The following MYRF variants were observed in gnomAD, a reference collection of about 807,000 sequenced individuals.
MYRF encodes the protein myelin regulatory factor.
MYRF carries 16 observed loss-of-function variants against 126.3 expected under a neutral mutation model. The observed-to-expected ratio is 0.13, with a 90% CI of 0.09 to 0.19. The LOEUF (loss-of-function observed/expected upper bound fraction) is 0.19, where lower values mean the gene tolerates loss of function less well. Ranked by LOEUF, MYRF falls within the 10% of genes least tolerant of loss-of-function variation. MYRF has a pLI of 1.00. For missense variants in MYRF, 1,104 were observed against 1,547.0 expected, an observed-to-expected ratio of 0.71 and a Z score of 4.80; for synonymous variants, 608 against 635.3, an observed-to-expected ratio of 0.96 and a Z score of 0.65.
intron 1 of MYRF, among the ~76,000 whole-genome samples, chr11:61,754,984 C>G (rs1033479342): frequency 6.6e-6 from 1 of 152,144 alleles, no homozygotes; most frequent in African/African-American, 2.4e-5. Flanking sequence ...GGAAGTTGTG[C>G]TTTTGAGCCG....
intron 3 of MYRF, among the ~76,000 whole-genome samples, chr11:61,767,834 A>T (rs1470286686): frequency 3.4e-5 from 5 of 149,086 alleles, no homozygotes; most frequent in Non-Finnish European, 7.4e-5. Flanking sequence ...AAAAAAAAAA[A>T]AGGCCAGGTG....
rs899613840 is a variant in MYRF at position 61,785,786 on chromosome 11, T to C, written c.3301-14T>C. On this transcript the variant is annotated splice_polypyrimidine_tract_variant and intron_variant, in intron 25 of 26. Coordinates refer to ENST00000278836, the MANE Select transcript of MYRF (RefSeq NM_001127392.3). ...GCAGCAGTCTGTCCTGACCCCTCTC[T>C]CCCTTCTCTCCAGGGCACCTCTCAC... The C allele has an allele frequency of 7.4e-6, 12 of 1,612,640 alleles. No individual in the cohort carries two copies. In the Middle Eastern group the frequency reaches 4.9e-4, roughly 67 times the overall value.
intron 1 of MYRF, among the ~76,000 whole-genome samples, chr11:61,754,699 G>C (rs952983242): frequency 6.6e-6 from 1 of 152,166 alleles, no homozygotes; most frequent in Admixed American, 6.5e-5. Flanking sequence ...CTGGCGGGGG[G>C]AGGCTGCGCT....
At chr11:61,758,157 G>C (rs181818502) in intron 1 of MYRF, among the ~76,000 whole-genome samples, 93 of 152,246 alleles carry the variant, frequency 6.1e-4, no homozygotes, top group African/African-American at 1.9e-3. Context: ...TGCCGGCCTA[G>C]AGTATGGAGG....
chr11:61,777,977 C>A lies in MYRF; in HGVS notation c.1903+132C>A. On this transcript the variant is annotated intron_variant, in intron 13 of 26. Coordinates refer to ENST00000278836, the MANE Select transcript of MYRF (RefSeq NM_001127392.3). This position sits in a 1 kb window ranked among gnomAD's most constrained non-coding sequence, Gnocchi z 8.8. ...ACTGCGCCCCTGGGAATCATGCCTT[C>A]TAGAAGTCCCGCCCCTCGGACCTTG... 1 of 723,572 alleles carries A rather than the reference C, an allele frequency of 1.4e-6. No homozygotes were observed. The highest frequency in any genetic ancestry group is 2.3e-6 in the Non-Finnish European group (1 of 428,798). 44.8% of individuals were successfully genotyped at this position (723,572 alleles called of 1,614,324 possible).
In MYRF at chr11:61,770,505, C is replaced by A; in HGVS notation, c.720C>A (p.Leu240=). The change falls in exon 5 of 27, where the codon CTC becomes CTA. Residue 240 remains leucine, a synonymous_variant. Coordinates refer to ENST00000278836, the MANE Select transcript of MYRF (RefSeq NM_001127392.3). The part of the protein sequence containing the change: ...HTQQSQMLHQ[L]LQQHGAELPT... The stretch of plus-strand genomic sequence containing the variant: ...AGCAGTCCCAGATGCTGCACCAGCT[C>A]CTGCAGCAGCACGGAGCTGAGTAAG... 6.4e-7 allele frequency: 1 copy of A among 1,564,340 alleles called. No individual in the cohort carries two copies. Among genetic ancestry groups the A allele is most frequent in the South Asian group, 1.2e-5 (1 of 84,946 alleles).
chr11:61,771,294 G>T (rs759265315), intron 5 of MYRF, among the ~76,000 whole-genome samples: 20 of 152,358 alleles, frequency 1.3e-4, no homozygotes, highest in Middle Eastern at 3.4e-3. Flanking sequence ...TCTGGGGGAA[G>T]CGAAGAGTGA....
At chr11:61,766,301 T>C in intron 3 of MYRF, 80 bp downstream of exon 3, 1 of 1,425,146 alleles carries the variant, frequency 7.0e-7, no homozygotes, top group African/African-American at 1.4e-5. Context: ...ACCTGGGAGG[T>C]GCTAGACACT....
In MYRF at chr11:61,776,058, G is replaced by T; in HGVS notation, c.1314G>T (p.Leu438=). The T allele has an allele frequency of 6.2e-7, 1 of 1,613,948 alleles. No individual in the cohort carries two copies. The change falls in exon 9 of 27, where the codon CTG becomes CTT. Residue 438 remains leucine (L), a splice_region_variant and synonymous_variant. Transcript: ENST00000278836. This position sits in a 1 kb window ranked among gnomAD's most constrained non-coding sequence, Gnocchi z 4.3. ...GCCACTGGCTTCACTCCCCACAGCT[G>T]GAGGCCCTGAACCAGTCCATTAACA... ...CFYLKLHGVK[L]EALNQSINIE...
intron 1 of MYRF, among the ~76,000 whole-genome samples, chr11:61,754,654 T>G (rs1591068047): frequency 6.9e-6 from 1 of 145,690 alleles, no homozygotes; most frequent in African/African-American, 2.5e-5. Flanking sequence ...GGTTGGGGGG[T>G]GGGGGCTGAC....
Position 61,776,016 on chromosome 11 carries a change from T to C in MYRF, c.1312-40T>C. The C allele has an allele frequency of 1.2e-6, 2 of 1,601,246 alleles. No homozygotes were observed. The highest frequency in any genetic ancestry group is 2.2e-5 in the South Asian group (2 of 90,738). On this transcript the variant is annotated intron_variant, in intron 8 of 26. Coordinates refer to ENST00000278836, the MANE Select transcript of MYRF (RefSeq NM_001127392.3). This position sits in a 1 kb window ranked among gnomAD's most constrained non-coding sequence, Gnocchi z 4.3. ...GGGCAGGAGGGCAGGACCAGCCGGG[T>C]AGCCCCATCCTGAGGTGCCACTGGC...
chr11:61,766,518 T>C, intron 3 of MYRF: 1 of 408,134 alleles, frequency 2.5e-6, no homozygotes, highest in Non-Finnish European at 4.4e-6. Context: ...GCGGCGGGAC[T>C]GGAGGCTGTG....
Position 61,778,528 on chromosome 11 carries a change from G to T in MYRF, c.2013+39G>T. The T allele has an allele frequency of 6.9e-7, 1 of 1,448,088 alleles. No homozygotes were observed. The highest frequency in any genetic ancestry group is 9.7e-7 in the Non-Finnish European group (1 of 1,028,918). 89.7% of individuals were successfully genotyped at this position (1,448,088 alleles called of 1,614,324 possible). A position where few individuals can be genotyped will look rare whatever the true frequency, so the allele number is the denominator to read the frequency against. On this transcript the variant is annotated intron_variant, in intron 14 of 26. Transcript: ENST00000278836. This position sits in a 1 kb window ranked among gnomAD's most constrained non-coding sequence, Gnocchi z 4.6. Reference sequence around the variant, plus strand: ...GGAATGGGAGGGAGCCCAGAGGCAAGTGGGGAGCCAGCTGGGGAACACTCA... The same window carrying T: ...GGAATGGGAGGGAGCCCAGAGGCAATTGGGGAGCCAGCTGGGGAACACTCA...
At chr11:61,766,890 C>T (rs1031057820) in intron 3 of MYRF, 1 of 392,852 alleles carries the variant, frequency 2.5e-6, no homozygotes, top group Non-Finnish European at 5.2e-6. Flanking sequence ...TGTAGGGGCC[C>T]CTGTCTCTGG....
At position 61,776,735 on chromosome 11, in the gene MYRF, C is replaced by A; in HGVS notation, c.1500-52C>A. The A allele has an allele frequency of 1.4e-6, 2 of 1,429,588 alleles. No individual in the cohort carries two copies. The highest frequency in any genetic ancestry group is 1.9e-6 in the Non-Finnish European group (2 of 1,046,944). 88.6% of individuals were successfully genotyped at this position (1,429,588 alleles called of 1,614,324 possible). A position where few individuals can be genotyped will look rare whatever the true frequency, so the allele number is the denominator to read the frequency against. On this transcript the variant is annotated intron_variant, in intron 10 of 26. Coordinates refer to ENST00000278836, the MANE Select transcript of MYRF (RefSeq NM_001127392.3). This position sits in a 1 kb window ranked among gnomAD's most constrained non-coding sequence, Gnocchi z 4.3. The stretch of plus-strand genomic sequence containing the variant: ...TGCATCTGGCCAGGGAAAGGGTGGC[C>A]CTGGGGGCGGGGGCAGGCCATGAGT...
In MYRF at chr11:61,779,378, G is replaced by A. The variant is rs1182472438; in HGVS notation, c.2129G>A (p.Arg710Gln). 1 of 1,551,258 alleles carries A rather than the reference G, an allele frequency of 6.4e-7. No homozygotes were observed. Among genetic ancestry groups the A allele is most frequent in the Admixed American group, 2.0e-5 (1 of 50,998 alleles). The part of the protein sequence containing the change: ...ERWSHKLAKL[R>Q]RLDSLKSTGS... The stretch of plus-strand genomic sequence containing the variant: ...TGGAGCCACAAGCTGGCCAAGCTGC[G>A]GCGGCTCGACAGCCTCAAGTCCACC... Residue 710 changes from arginine (R) to glutamine (Q), a missense_variant, in exon 15 of 27, where the codon CGG (arginine) becomes CAG (glutamine). Coordinates refer to ENST00000278836, the MANE Select transcript of MYRF (RefSeq NM_001127392.3).
chr11:61,765,194 G>A (rs1380013798), intron 1 of MYRF, among the ~76,000 whole-genome samples: 80 of 152,208 alleles, frequency 5.3e-4, no homozygotes, highest in Non-Finnish European at 4.4e-5. Flanking sequence ...CCATCCCATC[G>A]AGGGCAGTGG....
intron 1 of MYRF, among the ~76,000 whole-genome samples, chr11:61,755,033 G>T (rs2065708622): frequency 6.6e-6 from 1 of 152,216 alleles, no homozygotes; most frequent in South Asian, 2.1e-4. Flanking sequence ...ACTCGGGGCT[G>T]GGGCTGGGGA....
chr11:61,765,029 G>A (rs1372830277), intron 1 of MYRF, among the ~76,000 whole-genome samples: 2 of 152,208 alleles, frequency 1.3e-5, no homozygotes, highest in Non-Finnish European at 2.9e-5. Context: ...TCCCGCCTGC[G>A]GCCAGGGCCT....
Sources: gnomAD v4.1 joint callset for allele counts (sites outside exome capture counted in the v4.1 genomes callset) on GRCh38, gnomAD v4.1.1 for gene constraint, Gnocchi (gnomAD v3.1) non-coding constraint, MANE v1.5 for transcripts, NCBI Gene and HGNC (gene_info 2026-07-23, HGNC 2026-07-21) for gene names.